The following ADD3 variants were observed in gnomAD, a reference collection of about 807,000 sequenced individuals.
ADD3 encodes adducin 3.
ADD3 carries 25 observed loss-of-function variants against 80.2 expected under a neutral mutation model. The observed-to-expected ratio is 0.31, with a 90% CI of 0.23 to 0.44. ADD3 has a LOEUF of 0.44. ADD3 is among the 20% of genes least tolerant of loss of function. The pLI, the probability that ADD3 is intolerant of heterozygous loss-of-function variation, is 1.00. For missense variants in ADD3, 829 were observed against 847.5 expected, an observed-to-expected ratio of 0.98 and a Z score of 0.27; for synonymous variants, 284 against 289.6, an observed-to-expected ratio of 0.98 and a Z score of 0.20.
intron 12 of ADD3, among the ~76,000 whole-genome samples, chr10:110,127,547 G>C (rs1393622105): frequency 6.6e-6 from 1 of 152,214 alleles, no homozygotes; most frequent in African/African-American, 2.4e-5. Flanking sequence ...AACCCGGGAG[G>C]CAGAGGTTGC....
At chr10:110,022,256 G>A (rs1778941823) in intron 1 of ADD3, among the ~76,000 whole-genome samples, 1 of 151,894 alleles carries the variant, frequency 6.6e-6, no homozygotes, top group Admixed American at 6.6e-5. Flanking sequence ...AGTTTATTAG[G>A]TCTTAAGCAA....
intron 1 of ADD3, among the ~76,000 whole-genome samples, chr10:110,091,280 T>C (rs1049321816): frequency 6.6e-6 from 1 of 152,330 alleles, no homozygotes; most frequent in African/African-American, 2.4e-5. Context: ...ATTTTTTGGC[T>C]AACTCCACCA....
In ADD3 at chr10:110,073,121, C is replaced by CT. The variant is rs552911690; in HGVS notation, c.-29-27501dup. Among the ~76,000 whole-genome samples the CT allele has an allele frequency of 2.4e-3, 338 of 138,094 alleles. 1 individual carries two copies. The highest frequency in any genetic ancestry group is 3.9e-3 in the Non-Finnish European group (253 of 64,724). The allele number at this position is 138,094 out of a possible 152,430, so 90.6% of individuals were successfully genotyped here. A position where few individuals can be genotyped will look rare whatever the true frequency, so the allele number is the denominator to read the frequency against. On this transcript the variant is annotated intron_variant, in intron 1 of 14. Transcript: ENST00000356080. ...TTGTATGACCTTATTTGCTTAACCT[C>CT]TTTGAGTTTTAGTTTTCTTTTTTTT...
chr10:110,014,824 G>A (rs1247108104), intron 1 of ADD3, among the ~76,000 whole-genome samples: 1 of 152,068 alleles, frequency 6.6e-6, no homozygotes, highest in East Asian at 1.9e-4. Flanking sequence ...ACCGCGTCCA[G>A]CCTTCTTTTA....
At chr10:109,996,936 T>C (rs1343082634) in intron 1 of ADD3, among the ~76,000 whole-genome samples, 3 of 152,232 alleles carry the variant, frequency 2.0e-5, no homozygotes, top group Admixed American at 1.3e-4. Context: ...GTTAATGTGT[T>C]ACTACTCCCA....
chr10:110,046,350 A>G (rs1026224339), intron 1 of ADD3, among the ~76,000 whole-genome samples: 3 of 151,976 alleles, frequency 2.0e-5, no homozygotes, highest in Non-Finnish European at 4.4e-5. Flanking sequence ...TCAACTGTTT[A>G]TGCTATCAGT....
intron 1 of ADD3, among the ~76,000 whole-genome samples, chr10:109,996,704 G>T (rs191167767): frequency 2.0e-4 from 30 of 152,200 alleles, no homozygotes; most frequent in Non-Finnish European, 3.4e-4. Context: ...TGAAAGTTTA[G>T]TCTGAAGGTA....
chr10:110,089,935 A>G (rs555437517), intron 1 of ADD3, among the ~76,000 whole-genome samples: 4 of 152,198 alleles, frequency 2.6e-5, no homozygotes, highest in Admixed American at 2.0e-4. Context: ...CCTAATTATA[A>G]TAAAGATTTT....
chr10:110,025,084 C>CG (rs1442394399), intron 1 of ADD3, among the ~76,000 whole-genome samples: 1 of 151,796 alleles, frequency 6.6e-6, no homozygotes, highest in Non-Finnish European at 1.5e-5. Context: ...TTAATAGCGT[C>CG]GGGGTTTTGC....
chr10:110,119,255 T>C lies in ADD3; in HGVS notation c.762T>C (p.Ser254=), dbSNP rs538498655. The C allele has an allele frequency of 5.6e-6, 9 of 1,614,126 alleles. No individual in the cohort carries two copies. The South Asian group carries it at 9.9e-5, about 18-fold the overall frequency. Residue 254 remains serine, a synonymous_variant, in exon 7 of 15, where the codon TCT becomes TCC. Coordinates refer to ENST00000356080, the MANE Select transcript of ADD3 (RefSeq NM_016824.5). ...GGATCCTTCCAATTTCTCAAGAGTC[T>C]CTTCTTCTGGGAGATGTTGCCTATT... The part of the protein sequence containing the change: ...KCGILPISQE[S]LLLGDVAYYD...
intron 1 of ADD3, among the ~76,000 whole-genome samples, chr10:110,090,546 G>A (rs1847373307): frequency 6.6e-6 from 1 of 151,980 alleles, no homozygotes; most frequent in South Asian, 2.1e-4. Flanking sequence ...TTTACTTACT[G>A]TTCTGCACCT....
chr10:110,017,626 T>G (rs1027595895), intron 1 of ADD3, among the ~76,000 whole-genome samples: 1 of 152,190 alleles, frequency 6.6e-6, no homozygotes, highest in Non-Finnish European at 1.5e-5. Flanking sequence ...CTAAATATTT[T>G]TATGTGGTAG....
intron 1 of ADD3, among the ~76,000 whole-genome samples, chr10:110,046,906 C>CT (rs34491250): frequency 0.41 from 61,681 of 151,464 alleles, 16,110 homozygotes; most frequent in Non-Finnish European, 0.59. Flanking sequence ...TAATTTTGTC[C>CT]TTTTTTTTGG....
chr10:110,081,728 A>G (rs1454591167), intron 1 of ADD3, among the ~76,000 whole-genome samples: 2 of 152,208 alleles, frequency 1.3e-5, no homozygotes, highest in African/African-American at 4.8e-5. Flanking sequence ...TTTTTTAACA[A>G]TTGCTTATAT....
chr10:110,022,245 A>G (rs564066784), intron 1 of ADD3, among the ~76,000 whole-genome samples: 1 of 152,266 alleles, frequency 6.6e-6, no homozygotes, highest in South Asian at 2.1e-4. Context: ...TCTTATGAAT[A>G]AGTTTATTAG....
intron 1 of ADD3, among the ~76,000 whole-genome samples, chr10:110,050,685 G>C (rs150069167): frequency 2.6e-5 from 4 of 151,602 alleles, no homozygotes; most frequent in Non-Finnish European, 5.9e-5. Flanking sequence ...GCTAATTTTC[G>C]TTTTTTAGTG....
At chr10:110,030,766 A>G (rs1419260061) in intron 1 of ADD3, among the ~76,000 whole-genome samples, 2 of 151,844 alleles carry the variant, frequency 1.3e-5, no homozygotes, top group Non-Finnish European at 2.9e-5. Context: ...TTTTTTTAAT[A>G]TATTGATTAC....
chr10:110,050,534 G>T (rs1246170694), intron 1 of ADD3, among the ~76,000 whole-genome samples: 1 of 140,652 alleles, frequency 7.1e-6, no homozygotes, highest in African/African-American at 2.7e-5. Context: ...TTTTCCTGAA[G>T]CGGAGTCTCG....
chr10:110,018,953 A>C (rs1433688156), intron 1 of ADD3, among the ~76,000 whole-genome samples: 1 of 152,210 alleles, frequency 6.6e-6, no homozygotes, highest in Non-Finnish European at 1.5e-5. Flanking sequence ...TTTTGAAGGC[A>C]GTAATGCTTA....
Sources: gnomAD v4.1 joint callset for allele counts (sites outside exome capture counted in the v4.1 genomes callset) on GRCh38, gnomAD v4.1.1 for gene constraint, MANE v1.5 for transcripts, NCBI Gene and HGNC (gene_info 2026-07-23, HGNC 2026-07-21) for gene names.